The following C19orf47 variants were observed in gnomAD, a reference collection of about 807,000 sequenced individuals.
C19orf47 encodes chromosome 19 open reading frame 47, also known as uncharacterized protein C19orf47.
In C19orf47, 18 loss-of-function variants were observed where a neutral mutation model predicts 32.3. The ratio of observed to expected loss-of-function variants is 0.56; its 90% CI spans 0.39 to 0.83. The LOEUF (loss-of-function observed/expected upper bound fraction) is 0.83. C19orf47 is among the 40% of genes least tolerant of loss of function. The pLI, the probability that C19orf47 is intolerant of heterozygous loss-of-function variation, is 0.00. For synonymous variants in C19orf47, 202 were observed against 211.1 expected (o/e 0.96, Z 0.37); for missense variants, 484 against 531.6 (o/e 0.91, Z 0.88).
chr19:40,338,462 T>A (rs1376871574), intron 2 of C19orf47, among the ~76,000 whole-genome samples: 1 of 151,858 alleles, frequency 6.6e-6, no homozygotes, highest in Admixed American at 6.6e-5. Context: ...CTCGGCTGAC[T>A]GCAACCTCCA....
chr19:40,306,818 T>C, the C19orf47 span, among the ~76,000 whole-genome samples: 3 of 144,142 alleles, frequency 2.1e-5, no homozygotes, highest in African/African-American at 7.8e-5. Context: ...TGAGACAGAG[T>C]CTTGCTGTTG....
At chr19:40,343,234 C>T (rs752051789) in intron 1 of C19orf47, among the ~76,000 whole-genome samples, 2 of 152,158 alleles carry the variant, frequency 1.3e-5, no homozygotes, top group African/African-American at 2.4e-5. Flanking sequence ...CTCACCCCCG[C>T]ATGGGGTGCA....
At chr19:40,329,848 A>G (rs2077912316) in intron 5 of C19orf47, among the ~76,000 whole-genome samples, 1 of 152,224 alleles carries the variant, frequency 6.6e-6, no homozygotes, top group South Asian at 2.1e-4. Context: ...AGCTGAGTGC[A>G]ATAGGATCAG....
the C19orf47 span, among the ~76,000 whole-genome samples, chr19:40,314,272 A>C: frequency 6.6e-6 from 1 of 152,182 alleles, no homozygotes; most frequent in African/African-American, 2.4e-5. Context: ...TATTAAAAAT[A>C]CAAAAATTAG....
the C19orf47 span, among the ~76,000 whole-genome samples, chr19:40,305,852 T>C: frequency 3.3e-5 from 5 of 152,090 alleles, no homozygotes; most frequent in African/African-American, 1.2e-4. Flanking sequence ...ACTGTGCTTA[T>C]GAAAGAGAAT....
intron 5 of C19orf47, among the ~76,000 whole-genome samples, chr19:40,328,967 G>A (rs2077893543): frequency 6.6e-6 from 1 of 152,130 alleles, no homozygotes; most frequent in Admixed American, 6.5e-5. Flanking sequence ...CCCAAGCACA[G>A]CGGAATTGCT....
chr19:40,304,833 G>A, the C19orf47 span, among the ~76,000 whole-genome samples: 1 of 152,152 alleles, frequency 6.6e-6, no homozygotes, highest in African/African-American at 2.4e-5. Context: ...CACATAGTTG[G>A]GACTTGGGGA....
the C19orf47 span, among the ~76,000 whole-genome samples, chr19:40,309,109 T>C: frequency 1.3e-5 from 2 of 152,094 alleles, no homozygotes; most frequent in Non-Finnish European, 2.9e-5. Context: ...TCAGGTTTGT[T>C]TGAAGAAAAT....
chr19:40,308,226 G>T, the C19orf47 span, among the ~76,000 whole-genome samples: 1 of 151,868 alleles, frequency 6.6e-6, no homozygotes, highest in Non-Finnish European at 1.5e-5. Context: ...CACAATCTCG[G>T]CTCACAGCAA....
the C19orf47 span, among the ~76,000 whole-genome samples, chr19:40,311,946 C>T: frequency 6.6e-6 from 1 of 152,194 alleles, no homozygotes; most frequent in Non-Finnish European, 1.5e-5. Flanking sequence ...TGTGAGCCAC[C>T]ATGCCCGGCC....
upstream of C19orf47, chr19:40,348,513 A>C: frequency 8.8e-6 from 13 of 1,484,054 alleles, no homozygotes; most frequent in Non-Finnish European, 1.2e-5. Context: ...GGCCATAACC[A>C]TCACGTGACC....
chr19:40,314,534 G>A, the C19orf47 span, among the ~76,000 whole-genome samples: 1 of 152,176 alleles, frequency 6.6e-6, no homozygotes, highest in African/African-American at 2.4e-5. Context: ...AATAAAGAAA[G>A]TAACGTTGGA....
intron 1 of C19orf47, among the ~76,000 whole-genome samples, chr19:40,345,475 G>T (rs2078253986): frequency 6.7e-6 from 1 of 149,610 alleles, no homozygotes; most frequent in Non-Finnish European, 1.5e-5. Flanking sequence ...GAAGCAGGAG[G>T]ATCTCTGGAG....
chr19:40,333,962 C>T (rs909594907), intron 4 of C19orf47, 33 bp from the exon 5 acceptor site: 1 of 1,507,674 alleles, frequency 6.6e-7, no homozygotes, highest in Non-Finnish European at 9.0e-7. Context: ...TGGGTCACCA[C>T]AGAAGAATCA....
At chr19:40,302,306 C>A in the C19orf47 span, among the ~76,000 whole-genome samples, 1 of 152,070 alleles carries the variant, frequency 6.6e-6, no homozygotes, top group Admixed American at 6.6e-5. Context: ...GCTCTATTAC[C>A]CAGGCTGGAG....
chr19:40,336,442 T>A lies in C19orf47; in HGVS notation c.20-35A>T, dbSNP rs572663277. 15 of 1,571,194 alleles carry A rather than the reference T, an allele frequency of 9.5e-6. No homozygotes were observed. The African/African-American group carries it at 1.8e-4, about 18-fold the overall frequency. On this transcript the variant is annotated intron_variant, in intron 2 of 8. Coordinates refer to ENST00000683109, the MANE Select transcript of C19orf47 (RefSeq NM_001256441.2). ...TGGACAGGGCTCATTACTCACACTG[T>A]CCTCTTTAGAGAATAGCATTAGCAA... is the stretch of plus-strand genomic sequence containing the variant.
the C19orf47 span, among the ~76,000 whole-genome samples, chr19:40,296,140 A>G: frequency 6.6e-6 from 1 of 152,256 alleles, no homozygotes; most frequent in Non-Finnish European, 1.5e-5. Context: ...TTGTGTGAAC[A>G]TCAGAAAGTG....
At chr19:40,343,524 T>C (rs764150836) in intron 1 of C19orf47, 6 of 152,242 alleles carry the variant, frequency 3.9e-5, no homozygotes, top group Admixed American at 6.5e-5. Flanking sequence ...ATAAAAGCAC[T>C]TGAGACAGTG....
intron 4 of C19orf47, chr19:40,334,974 G>GAGGA (rs1230008082): frequency 1.5e-5 from 2 of 131,478 alleles, no homozygotes; most frequent in South Asian, 2.9e-4. Flanking sequence ...GGGAGGGAGG[G>GAGGA]AGGAAGGAAG....
Sources: allele counts gnomAD v4.1 joint callset (sites outside exome capture counted in the v4.1 genomes callset), GRCh38; gene constraint gnomAD v4.1.1; transcripts MANE v1.5; gene names NCBI Gene and HGNC (gene_info 2026-07-23, HGNC 2026-07-21).